The following IKZF2 variants were observed in gnomAD, a reference collection of about 807,000 sequenced individuals.
IKZF2 encodes zinc finger protein Helios.
A neutral mutation model predicts 49.2 loss-of-function variants in IKZF2; 15 were observed. The observed-to-expected ratio is 0.30, with a 90% CI of 0.20 to 0.47. The LOEUF is 0.47. Ranked by LOEUF, IKZF2 falls within the 20% of genes least tolerant of loss-of-function variation. IKZF2 has a pLI of 1.00. For missense variants in IKZF2, 567 were observed against 664.6 expected, an observed-to-expected ratio of 0.85 and a Z score of 1.61; for synonymous variants, 227 against 221.4, an observed-to-expected ratio of 1.03 and a Z score of -0.23.
In IKZF2 at chr2:213,049,703, T is replaced by A; in HGVS notation, c.574+10A>T. 6.5e-7 allele frequency: 1 copy of A among 1,536,412 alleles called. No homozygotes were observed. Among genetic ancestry groups the A allele is most frequent in the Non-Finnish European group, 8.8e-7 (1 of 1,137,590 alleles). ...TTTACTTTTCTTCTCAAGGAGTTGG[T>A]GACACTTACCAGAATGGGTCCTGAG... On this transcript the variant is annotated intron_variant, in intron 6 of 8. Coordinates refer to ENST00000434687, the MANE Select transcript of IKZF2 (RefSeq NM_001387220.1).
intron 4 of IKZF2, among the ~76,000 whole-genome samples, chr2:213,117,216 A>ACCTCTC (rs2059907698): frequency 6.6e-6 from 1 of 152,180 alleles, no homozygotes; most frequent in African/African-American, 2.4e-5. Flanking sequence ...CCTCTCCAAC[A>ACCTCTC]CAAGCCTTAC....
chr2:213,108,243 AG>A (rs1268679081), intron 4 of IKZF2, among the ~76,000 whole-genome samples: 4 of 152,158 alleles, frequency 2.6e-5, no homozygotes, highest in African/African-American at 7.2e-5. Flanking sequence ...ATTTTTATTG[AG>A]GAAAAAAAGT....
At chr2:213,146,307 A>C (rs1448081260) in intron 4 of IKZF2, among the ~76,000 whole-genome samples, 2 of 152,116 alleles carry the variant, frequency 1.3e-5, no homozygotes, top group East Asian at 3.8e-4. Flanking sequence ...TCAACTAGCA[A>C]AAAACATGAA....
At chr2:213,144,436 G>A (rs1325643167) in intron 4 of IKZF2, among the ~76,000 whole-genome samples, 1 of 151,856 alleles carries the variant, frequency 6.6e-6, no homozygotes, top group African/African-American at 2.4e-5. Flanking sequence ...ATAGTCACCT[G>A]CCAGTATAGA....
At chr2:213,102,675 AAG>A in intron 4 of IKZF2, among the ~76,000 whole-genome samples, 1 of 149,494 alleles carries the variant, frequency 6.7e-6, no homozygotes, top group African/African-American at 2.5e-5. Context: ...CATTTAAAGG[AAG>A]GGGGGGGGTC....
At chr2:213,139,849 G>A (rs1475556144) in intron 4 of IKZF2, among the ~76,000 whole-genome samples, 1 of 151,894 alleles carries the variant, frequency 6.6e-6, no homozygotes, top group Non-Finnish European at 1.5e-5. Flanking sequence ...AAAAACTCTT[G>A]GAGGTAAAAG....
intron 5 of IKZF2, 63 bp downstream of exon 5, chr2:213,056,770 T>C (rs780369005): frequency 1.5e-5 from 23 of 1,584,320 alleles, no homozygotes; most frequent in Admixed American, 1.0e-4. Flanking sequence ...AGAGAATAGA[T>C]GTCAGGTAAT....
At chr2:213,061,100 T>G (rs2125412270) in intron 4 of IKZF2, among the ~76,000 whole-genome samples, 1 of 151,676 alleles carries the variant, frequency 6.6e-6, no homozygotes, top group East Asian at 1.9e-4. Flanking sequence ...GCAATTCCAC[T>G]TACAAATTAC....
At chr2:213,100,544 T>A (rs568904530) in intron 4 of IKZF2, among the ~76,000 whole-genome samples, 13 of 152,048 alleles carry the variant, frequency 8.5e-5, no homozygotes, top group Non-Finnish European at 1.6e-4. Context: ...GTATTTAACA[T>A]ACTGTCTTAA....
chr2:213,150,880 A>T (rs1371921109), intron 1 of IKZF2, among the ~76,000 whole-genome samples: 1 of 151,394 alleles, frequency 6.6e-6, no homozygotes, highest in Non-Finnish European at 1.5e-5. Flanking sequence ...CTGCCTGTTT[A>T]CATGTGTCAT....
At chr2:213,071,459 T>G (rs929466851) in intron 4 of IKZF2, among the ~76,000 whole-genome samples, 1 of 152,136 alleles carries the variant, frequency 6.6e-6, no homozygotes, top group Non-Finnish European at 1.5e-5. Flanking sequence ...GGTGATAAAA[T>G]GTGAGTGTTC....
At chr2:213,043,970 C>A (rs1699907524) in intron 6 of IKZF2, among the ~76,000 whole-genome samples, 1 of 152,184 alleles carries the variant, frequency 6.6e-6, no homozygotes, top group Non-Finnish European at 1.5e-5. Flanking sequence ...CTGCCATAGC[C>A]ATTTTCCACA....
At chr2:213,145,662 C>A (rs1340373291) in intron 4 of IKZF2, among the ~76,000 whole-genome samples, 1 of 151,996 alleles carries the variant, frequency 6.6e-6, no homozygotes, top group Non-Finnish European at 1.5e-5. Context: ...GGTATCTTCT[C>A]CATCTAACAC....
At chr2:213,098,967 A>G (rs1003855523) in intron 4 of IKZF2, among the ~76,000 whole-genome samples, 2 of 152,204 alleles carry the variant, frequency 1.3e-5, no homozygotes, top group Non-Finnish European at 2.9e-5. Flanking sequence ...TGCCCTTGAT[A>G]GTTTTTATCC....
intron 4 of IKZF2, among the ~76,000 whole-genome samples, chr2:213,080,950 T>G (rs1559248027): frequency 6.6e-6 from 1 of 152,188 alleles, no homozygotes; most frequent in African/African-American, 2.4e-5. Context: ...AAATATCCCT[T>G]TCATAAAGAA....
intron 4 of IKZF2, among the ~76,000 whole-genome samples, chr2:213,070,650 G>C (rs1360181344): frequency 6.6e-6 from 1 of 152,144 alleles, no homozygotes; most frequent in Non-Finnish European, 1.5e-5. Context: ...CAGGCTTATA[G>C]TCTGGTTGGG....
rs530357324 is a variant in IKZF2 at position 213,080,161 on chromosome 2, A to G, written c.140-23062T>C. Among the ~76,000 whole-genome samples the G allele has an allele frequency of 1.7e-4, 15 of 89,054 alleles. No homozygotes were observed. The South Asian group carries it at 4.8e-3, about 28-fold the overall frequency. 58.4% of individuals were successfully genotyped at this position (89,054 alleles called of 152,430 possible). On this transcript the variant is annotated intron_variant, in intron 4 of 8. Transcript: ENST00000434687. ...AGCTTCTATTTACCCTGAAGTATAT[A>G]TTTAAAAAATCTATATAGAGATAGA...
intron 6 of IKZF2, among the ~76,000 whole-genome samples, chr2:213,027,702 T>C (rs1697968404): frequency 6.6e-6 from 1 of 152,174 alleles, no homozygotes; most frequent in Admixed American, 6.6e-5. Context: ...ACTCATTTTC[T>C]CTTAACATTT....
At chr2:213,029,925 A>G (rs116785557) in intron 6 of IKZF2, among the ~76,000 whole-genome samples, 1 of 152,268 alleles carries the variant, frequency 6.6e-6, no homozygotes, top group Non-Finnish European at 1.5e-5. Context: ...TTTCTTTTAC[A>G]CTTGCATTAG....
Sources: gnomAD v4.1 joint callset for allele counts (sites outside exome capture counted in the v4.1 genomes callset) on GRCh38, gnomAD v4.1.1 for gene constraint, MANE v1.5 for transcripts, NCBI Gene and HGNC (gene_info 2026-07-23, HGNC 2026-07-21) for gene names.